ETV1: variants seen among roughly 807,000 people sequenced by gnomAD.
ETV1 encodes ETS translocation variant 1.
ETV1 carries 27 observed loss-of-function variants against 62.3 expected under a neutral mutation model. That is an observed-to-expected ratio of 0.43 (90% CI 0.32 to 0.60). The LOEUF (loss-of-function observed/expected upper bound fraction) is 0.60, where lower values mean the gene tolerates loss of function less well. ETV1 is among the 20% of genes least tolerant of loss of function. The pLI is 0.06. For missense variants in ETV1, 605 were observed against 605.8 expected, an observed-to-expected ratio of 1.00 and a Z score of 0.01; for synonymous variants, 222 against 199.6, an observed-to-expected ratio of 1.11 and a Z score of -0.94.
chr7:13,956,047 C>T (rs1366573300), intron 6 of ETV1, among the ~76,000 whole-genome samples: 4 of 151,994 alleles, frequency 2.6e-5, no homozygotes, highest in South Asian at 2.1e-4. Context: ...ACCAATACCC[C>T]GCATGCAGTT....
chr7:13,963,127 T>A (rs1790384825), intron 6 of ETV1, among the ~76,000 whole-genome samples: 1 of 152,226 alleles, frequency 6.6e-6, no homozygotes, highest in East Asian at 1.9e-4. Context: ...AAGGTAACTG[T>A]GAGAATCAAA....
chr7:13,991,182 C>G (rs1278134652), upstream of ETV1: 1 of 152,220 alleles, frequency 6.6e-6, no homozygotes, highest in Non-Finnish European at 1.5e-5. Flanking sequence ...TTCCAGGAAG[C>G]GCCTGGGCCC....
chr7:13,907,669 T>G, intron 11 of ETV1: 1 of 296,608 alleles, frequency 3.4e-6, no homozygotes. Context: ...AGTATGTCAT[T>G]GTTAGTGCAT....
rs1290439033 is a variant in ETV1 at position 13,917,850 on chromosome 7, G to C, written c.803-6543C>G. Among the ~76,000 whole-genome samples the C allele has an allele frequency of 2.0e-5, 3 of 151,852 alleles. No homozygotes were observed. The East Asian group carries it at 5.9e-4, about 30-fold the overall frequency. On this transcript the variant is annotated intron_variant, in intron 9 of 13. Transcript: ENST00000430479. Reference sequence around the variant, plus strand: ...GTGGTGGCGGGCACCAGTAGTCCCAGCTACTCGGGAGGCTGAGGCAGGAAA... The same window carrying C: ...GTGGTGGCGGGCACCAGTAGTCCCACCTACTCGGGAGGCTGAGGCAGGAAA...
At chr7:13,904,819 G>C (rs1226129708) in intron 12 of ETV1, among the ~76,000 whole-genome samples, 4 of 151,634 alleles carry the variant, frequency 2.6e-5, no homozygotes, top group Non-Finnish European at 4.4e-5. Context: ...AATGCTTCTA[G>C]TCTCAATTTG....
At chr7:13,955,187 C>T (rs1042411588) in intron 6 of ETV1, among the ~76,000 whole-genome samples, 27 of 152,202 alleles carry the variant, frequency 1.8e-4, no homozygotes, top group African/African-American at 6.3e-4. Flanking sequence ...CTTTAAAAAT[C>T]CCTTCTGATA....
chr7:13,911,338 A>G, intron 9 of ETV1, 31 bp from the exon 10 acceptor site: 1 of 1,521,370 alleles, frequency 6.6e-7, no homozygotes, highest in Non-Finnish European at 9.1e-7. Context: ...GGTCAAAAAG[A>G]GTCTGGAGCT....
rs756490868 is a variant in ETV1 at position 13,895,905 on chromosome 7, G to A, written c.1395C>T (p.Cys465=). The change falls in exon 14 of 14, where the codon TGC becomes TGT. Residue 465 remains cysteine (C), a synonymous_variant. Coordinates refer to ENST00000430479, the MANE Select transcript of ETV1 (RefSeq NM_004956.5). ...ESMAYMPEGG[C]CNPHPYNEGY... is the part of the protein sequence containing the mutation. ...CTTCGTTGTAGGGGTGGGGGTTGCA[G>A]CAGCCCCCTTCCGGCATGTAGGCCA... 3 of 1,613,674 alleles carry A rather than the reference G, an allele frequency of 1.9e-6. No homozygotes were observed. Among genetic ancestry groups the A allele is most frequent in the Non-Finnish European group, 2.5e-6 (3 of 1,179,834 alleles).
chr7:13,922,615 C>A (rs1258036944), intron 9 of ETV1, among the ~76,000 whole-genome samples: 2 of 152,168 alleles, frequency 1.3e-5, no homozygotes, highest in Admixed American at 1.3e-4. Flanking sequence ...ACAAGACACA[C>A]ACACATAGAA....
At chr7:13,947,405 A>C (rs541867812) in intron 6 of ETV1, among the ~76,000 whole-genome samples, 39 of 151,904 alleles carry the variant, frequency 2.6e-4, no homozygotes, top group Admixed American at 1.1e-3. Context: ...AAAAAAAAAA[A>C]AAACAAACTC....
chr7:13,957,923 C>T (rs1789681947), intron 6 of ETV1, among the ~76,000 whole-genome samples: 1 of 152,180 alleles, frequency 6.6e-6, no homozygotes, highest in Non-Finnish European at 1.5e-5. Flanking sequence ...CCGTGATAGG[C>T]CTGGTTTGCA....
At chr7:13,900,034 CAGG>C (rs1200674221) in intron 13 of ETV1, among the ~76,000 whole-genome samples, 3 of 152,186 alleles carry the variant, frequency 2.0e-5, no homozygotes, top group African/African-American at 7.2e-5. Flanking sequence ...GAGGCTGAGG[CAGG>C]AGAACTGCTT....
intron 9 of ETV1, among the ~76,000 whole-genome samples, chr7:13,920,431 A>ACAGT (rs1167578363): frequency 6.0e-5 from 8 of 132,826 alleles, no homozygotes; most frequent in African/African-American, 2.8e-5. Flanking sequence ...CATTCCAGAG[A>ACAGT]GAGTGAGTGA....
chr7:13,901,916 A>T (rs1021758974), intron 12 of ETV1, among the ~76,000 whole-genome samples: 19 of 152,134 alleles, frequency 1.2e-4, no homozygotes, highest in Non-Finnish European at 2.4e-4. Context: ...CAATGTATCT[A>T]AGAGTTTTTC....
rs139529866 is a variant in ETV1 at position 13,949,446 on chromosome 7, T to A, written c.236-10200A>T. Reference sequence around the variant, plus strand: ...TATAAATAAAGACAATGGTGTCACATGCTTTGTGAATCCATCTTCTAAGAC... The same window carrying A: ...TATAAATAAAGACAATGGTGTCACAAGCTTTGTGAATCCATCTTCTAAGAC... On this transcript the variant is annotated intron_variant, in intron 6 of 13. Coordinates refer to ENST00000430479, the MANE Select transcript of ETV1 (RefSeq NM_004956.5). Among the ~76,000 whole-genome samples, 263 of 152,290 alleles carry A rather than the reference T, an allele frequency of 1.7e-3. 2 individuals are homozygous for A. Among genetic ancestry groups the A allele is most frequent in the African/African-American group, 5.8e-3 (243 of 41,562 alleles).
rs1783362652 is a variant in ETV1, at chr7:13,909,628, C to A, written c.940+4G>T. ...CAGAACTTGAGGCAAAGTGTAAAAC[C>A]TACCATCGAATTTTTCTGGGACAAC... On this transcript the variant is annotated splice_donor_region_variant and intron_variant, in intron 11 of 13. Coordinates refer to ENST00000430479, the MANE Select transcript of ETV1 (RefSeq NM_004956.5). 6.2e-7 allele frequency: 1 copy of A among 1,611,390 alleles called. No individual in the cohort carries two copies. The highest frequency in any genetic ancestry group is 1.7e-5 in the Admixed American group (1 of 59,954).
intron 13 of ETV1, 149 bp from the exon 14 acceptor site, chr7:13,896,236 T>TTAA: frequency 2.1e-6 from 1 of 481,558 alleles, no homozygotes; most frequent in Non-Finnish European, 3.7e-6. Context: ...CAGATACACA[T>TTAA]AAAAAAAAAA....
At chr7:13,935,597 C>A in intron 8 of ETV1, 111 bp downstream of exon 8, 1 of 880,144 alleles carries the variant, frequency 1.1e-6, no homozygotes, top group Non-Finnish European at 1.8e-6. Context: ...CACAGATGTG[C>A]AAAATTAATA....
chr7:13,911,630 T>A (rs1485153563), intron 9 of ETV1, among the ~76,000 whole-genome samples: 2 of 152,196 alleles, frequency 1.3e-5, no homozygotes, highest in African/African-American at 4.8e-5. Flanking sequence ...GTTTTAAATA[T>A]GCATCAGGAC....
Sources: allele counts gnomAD v4.1 joint callset (sites outside exome capture counted in the v4.1 genomes callset), GRCh38; gene constraint gnomAD v4.1.1; transcripts MANE v1.5; gene names NCBI Gene and HGNC (gene_info 2026-07-23, HGNC 2026-07-21).